Variants in ERAP1 observed in about 807,000 individuals in gnomAD.
ERAP1 encodes the protein endoplasmic reticulum aminopeptidase 1.
In ERAP1, 86 loss-of-function variants were observed where a neutral mutation model predicts 103.7. The observed-to-expected ratio is 0.83, with a 90% CI of 0.70 to 0.99. The LOEUF (loss-of-function observed/expected upper bound fraction) is 0.99, where lower values mean the gene tolerates loss of function less well. Ranked by LOEUF, ERAP1 falls within the 50% of genes least tolerant of loss-of-function variation. The pLI, the probability that ERAP1 is intolerant of heterozygous loss-of-function variation, is 0.00. For missense variants in ERAP1, 1,009 were observed against 1,128.4 expected (o/e 0.89, Z 1.52); for synonymous variants, 398 against 402.4 (o/e 0.99, Z 0.13).
At chr5:96,903,561 G>A in the ERAP1 span, 6 of 1,588,474 alleles carry the variant, frequency 3.8e-6, no homozygotes, top group South Asian at 6.9e-5. Context: ...AGCTAGTTGG[G>A]TAAGGCAACA....
At chr5:96,900,803 A>G in the ERAP1 span, among the ~76,000 whole-genome samples, 1 of 152,058 alleles carries the variant, frequency 6.6e-6, no homozygotes, top group Non-Finnish European at 1.5e-5. Context: ...CAGCCTCCCA[A>G]GTAGCTGGGA....
the ERAP1 span, among the ~76,000 whole-genome samples, chr5:96,856,365 T>TATATAGAG: frequency 2.6e-3 from 52 of 20,376 alleles, 1 homozygote; most frequent in African/African-American, 7.7e-3. Flanking sequence ...TATATATATA[T>TATATAGAG]AGAGAGAGAG....
chr5:96,814,017 T>A, the ERAP1 span: 1 of 266,522 alleles, frequency 3.8e-6, no homozygotes, highest in Non-Finnish European at 7.5e-6. Flanking sequence ...GTATCAATAA[T>A]ACGAACATAT....
At chr5:96,812,752 A>G (rs114440788), upstream of ERAP1, among the ~76,000 whole-genome samples, 1,014 of 152,362 alleles carry the variant, frequency 6.7e-3, 15 homozygotes, top group African/African-American at 0.024. Flanking sequence ...AGAAACGAAT[A>G]ACTTTCTCAA....
At chr5:96,880,891 C>G in the ERAP1 span, 1 of 160,008 alleles carries the variant, frequency 6.2e-6, no homozygotes, top group Non-Finnish European at 1.4e-5. Context: ...TGAAATAAAA[C>G]AAGGTGCAAG....
chr5:96,887,468 T>G, the ERAP1 span, among the ~76,000 whole-genome samples: 1,575 of 152,148 alleles, frequency 0.01, 38 homozygotes, highest in East Asian at 0.074. Context: ...GCCTGGCTAA[T>G]TTTTGTATAT....
At chr5:96,779,721 C>G (rs2150893870) in intron 18 of ERAP1, 1 of 153,910 alleles carries the variant, frequency 6.5e-6, no homozygotes, top group South Asian at 2.1e-4. Flanking sequence ...ATGGCCCACA[C>G]ATCAAAGTCC....
rs59332218 is a variant in ERAP1 at position 96,801,854 on chromosome 5, C to CAA, written c.525-856_525-855dup. Among the ~76,000 whole-genome samples the CAA allele has an allele frequency of 7.0e-3, 381 of 54,696 alleles. 49 individuals carry two copies. The highest frequency in any genetic ancestry group is 0.013 in the African/African-American group (145 of 10,772). 35.9% of individuals were successfully genotyped at this position (54,696 alleles called of 152,430 possible). A position where few individuals can be genotyped will look rare whatever the true frequency, so the allele number is the denominator to read the frequency against. On this transcript the variant is annotated intron_variant, in intron 2 of 18. Transcript: ENST00000443439. ...GTGACAGAGCAAGACTCCGTCTCGACAAAAAAAAAAAAAAAAAAAAAAAAA... is the reference window on the plus strand; with the variant it reads ...GTGACAGAGCAAGACTCCGTCTCGACAAAAAAAAAAAAAAAAAAAAAAAAAAA...
At chr5:96,896,926 G>A in the ERAP1 span, 7 of 1,470,774 alleles carry the variant, frequency 4.8e-6, no homozygotes, top group Admixed American at 2.5e-5. Context: ...GAATAATTGT[G>A]AATGTTTATA....
chr5:96,931,459 G>C, the ERAP1 span, among the ~76,000 whole-genome samples: 1 of 152,138 alleles, frequency 6.6e-6, no homozygotes, highest in Non-Finnish European at 1.5e-5. Flanking sequence ...GCCCAGCCTA[G>C]TTCCTGGAAT....
the ERAP1 span, chr5:96,895,160 A>T: frequency 1.3e-6 from 1 of 771,534 alleles, no homozygotes; most frequent in South Asian, 1.8e-5. Flanking sequence ...CTAATAAAAA[A>T]AAAGTTAGTA....
the ERAP1 span, among the ~76,000 whole-genome samples, chr5:96,855,909 C>T: frequency 1.3e-5 from 2 of 152,034 alleles, no homozygotes; most frequent in Non-Finnish European, 1.5e-5. Flanking sequence ...TATGTGTGAG[C>T]CTTGTTAACT....
intron 3 of ERAP1, 118 bp downstream of exon 3, chr5:96,800,744 C>G: frequency 9.3e-7 from 1 of 1,073,368 alleles, no homozygotes; most frequent in Non-Finnish European, 1.4e-6. Context: ...AAGTTAGTAA[C>G]GATCTGCCAG....
At chr5:96,908,276 C>T in the ERAP1 span, among the ~76,000 whole-genome samples, 1 of 152,284 alleles carries the variant, frequency 6.6e-6, no homozygotes, top group Non-Finnish European at 1.5e-5. Context: ...ACCTGAGGAG[C>T]ACTTTCCAAT....
At chr5:96,802,214 G>A (rs1263680767) in intron 2 of ERAP1, among the ~76,000 whole-genome samples, 1 of 151,874 alleles carries the variant, frequency 6.6e-6, no homozygotes, top group Non-Finnish European at 1.5e-5. Flanking sequence ...CTGAAAAATT[G>A]GAAACAATTT....
Position 96,780,501 on chromosome 5 carries a change from A to G in ERAP1, c.2592T>C (p.Phe864=), listed in dbSNP as rs1264040653. ...RKNWNKLVQK[F]ELGSSSIAHM... ...GGGCTATGGAAGATGAGCCAAGTTCAAACCTAGAGAGGGAAATATTCAAAA... is the reference window on the plus strand; with the variant it reads ...GGGCTATGGAAGATGAGCCAAGTTCGAACCTAGAGAGGGAAATATTCAAAA... The change falls in exon 18 of 19, where the codon TTT becomes TTC. Residue 864 remains phenylalanine (F), a synonymous_variant. Coordinates refer to ENST00000443439, the MANE Select transcript of ERAP1 (RefSeq NM_001040458.3). The G allele has an allele frequency of 1.2e-6, 2 of 1,611,032 alleles. No individual in the cohort carries two copies. Among genetic ancestry groups the G allele is most frequent in the African/African-American group, 1.3e-5 (1 of 74,830 alleles).
chr5:96,923,421 G>A, the ERAP1 span, among the ~76,000 whole-genome samples: 11 of 152,302 alleles, frequency 7.2e-5, no homozygotes, highest in Admixed American at 4.6e-4. Flanking sequence ...CAGGCGGGGC[G>A]TAGTGGCTGA....
At chr5:96,853,014 T>C in the ERAP1 span, among the ~76,000 whole-genome samples, 1 of 152,130 alleles carries the variant, frequency 6.6e-6, no homozygotes, top group Non-Finnish European at 1.5e-5. Flanking sequence ...TCAGACATTT[T>C]ATTAAAACCC....
chr5:96,895,254 C>T, the ERAP1 span: 1 of 1,605,826 alleles, frequency 6.2e-7, no homozygotes, highest in Non-Finnish European at 8.5e-7. Flanking sequence ...AGTGGTTTGG[C>T]AACCTGGTCA....
Sources: allele counts gnomAD v4.1 joint callset (sites outside exome capture counted in the v4.1 genomes callset), GRCh38; gene constraint gnomAD v4.1.1; transcripts MANE v1.5; gene names NCBI Gene and HGNC (gene_info 2026-07-23, HGNC 2026-07-21).